NECTIN1: variants seen among roughly 807,000 people sequenced by gnomAD.
NECTIN1 encodes the protein nectin cell adhesion molecule 1.
NECTIN1 carries 23 observed loss-of-function variants against 48.0 expected under a neutral mutation model. The ratio of observed to expected loss-of-function variants is 0.48; its 90% CI spans 0.34 to 0.68. The LOEUF (loss-of-function observed/expected upper bound fraction) is 0.68, where lower values mean the gene tolerates loss of function less well. Among genes scored for constraint, NECTIN1 ranks in the 30% least tolerant of loss-of-function variants. NECTIN1 has a pLI of 0.01. For synonymous variants in NECTIN1, 270 were observed against 288.9 expected (o/e 0.93, Z 0.66); for missense variants, 591 against 709.9 (o/e 0.83, Z 1.90).
At chr11:119,647,671 A>T (rs117635136) in intron 5 of NECTIN1, among the ~76,000 whole-genome samples, 2,331 of 152,174 alleles carry the variant, frequency 0.015, 35 homozygotes, top group East Asian at 0.049. Context: ...GAAGCACCAA[A>T]TCTGCAAAAG....
chr11:119,697,716 C>A (rs966357384), intron 1 of NECTIN1, among the ~76,000 whole-genome samples: 5 of 152,336 alleles, frequency 3.3e-5, no homozygotes, highest in South Asian at 2.1e-4. Context: ...AGAACCCGAA[C>A]CTGAGTCTTC....
chr11:119,702,915 A>G (rs1865482507), intron 1 of NECTIN1, among the ~76,000 whole-genome samples: 1 of 152,086 alleles, frequency 6.6e-6, no homozygotes, highest in Non-Finnish European at 1.5e-5. Flanking sequence ...TGCCTTGAGT[A>G]ACATCTCTTA....
chr11:119,707,165 G>A (rs1475576030), intron 1 of NECTIN1, among the ~76,000 whole-genome samples: 2 of 152,122 alleles, frequency 1.3e-5, no homozygotes, highest in Non-Finnish European at 2.9e-5. Flanking sequence ...TCAGACACAG[G>A]TGTAAGGGCC....
intron 5 of NECTIN1, among the ~76,000 whole-genome samples, chr11:119,652,660 AAAAGAT>A (rs1864510464): frequency 6.6e-6 from 1 of 152,196 alleles, no homozygotes; most frequent in Non-Finnish European, 1.5e-5. Flanking sequence ...CAGAAAGACT[AAAAGAT>A]AAAAGGACGG....
chr11:119,700,860 G>GA (rs1298496410), intron 1 of NECTIN1, among the ~76,000 whole-genome samples: 1 of 152,164 alleles, frequency 6.6e-6, no homozygotes, highest in Non-Finnish European at 1.5e-5. Context: ...TCAACTCTGC[G>GA]AAACAAATCC....
chr11:119,689,313 C>G (rs1865212759), intron 1 of NECTIN1, among the ~76,000 whole-genome samples: 2 of 152,180 alleles, frequency 1.3e-5, no homozygotes, highest in South Asian at 4.1e-4. Flanking sequence ...AGCCTCGCAG[C>G]CTCAGGAGCA....
chr11:119,661,057 AT>A lies in NECTIN1; in HGVS notation c.*3689del, dbSNP rs762234334. ...ATCCTCAGTACATTTTCAACCCATC[AT>A]TTTTTTTTAATACAAGTAAAAGGGG... On this transcript the variant is annotated 3_prime_UTR_variant, in exon 6 of 6. Coordinates refer to ENST00000264025, the MANE Select transcript of NECTIN1 (RefSeq NM_002855.5). 5,131 of 969,850 alleles carry A rather than the reference AT, an allele frequency of 5.3e-3. 16 individuals are homozygous for A. Among genetic ancestry groups the A allele is most frequent in the Admixed American group, 6.9e-3 (111 of 16,182 alleles). The allele number at this position is 969,850 out of a possible 1,614,324, so 60.1% of individuals were successfully genotyped here.
In NECTIN1 at chr11:119,673,483, C is replaced by G. The variant is rs1418886640; in HGVS notation, c.1003+1676G>C. On this transcript the variant is annotated intron_variant, in intron 5 of 5. Transcript: ENST00000264025. This position sits in a 1 kb window ranked among gnomAD's most constrained non-coding sequence, Gnocchi z 5.8. ...GCCCACCATCAGGGGAAGGTATCAC[C>G]ACGCAGGGAGTACTGCATGATCGTA... Among the ~76,000 whole-genome samples the G allele has an allele frequency of 6.6e-6, 1 of 152,182 alleles. No individual in the cohort carries two copies. The highest frequency in any genetic ancestry group is 1.9e-4 in the East Asian group (1 of 5,190).
Position 119,678,648 on chromosome 11 carries a change from G to A in NECTIN1, c.197C>T (p.Thr66Ile), listed in dbSNP as rs1308930440. 1.2e-6 allele frequency: 2 copies of A among 1,614,106 alleles called. No homozygotes were observed. The highest frequency in any genetic ancestry group is 8.5e-7 in the Non-Finnish European group (1 of 1,180,010). Residue 66 changes from threonine (T) to isoleucine (I), a missense_variant, in exon 2 of 6, where the codon ACA (threonine) becomes ATA (isoleucine). By Grantham distance (89) the Thr-to-Ile change is moderately conservative. Coordinates refer to ENST00000264025, the MANE Select transcript of NECTIN1 (RefSeq NM_002855.5). The surrounding 1 kb of genome is among the most constrained non-coding windows in gnomAD (Gnocchi z 4.4). The stretch of plus-strand genomic sequence containing the variant: ...GGAGCCATTGGTGGACTTCTGCCAT[G>A]TGACCTGGGTGATCTTCACGCTGGG... The part of the protein sequence containing the change: ...PLPSVKITQV[T>I]WQKSTNGSKQ...
Position 119,665,176 on chromosome 11 carries a change from C to T in NECTIN1, c.1125G>A (p.Val375=). 6.2e-7 allele frequency: 1 copy of T among 1,610,592 alleles called. No homozygotes were observed. The highest frequency in any genetic ancestry group is 8.5e-7 in the Non-Finnish European group (1 of 1,179,856). ...TGTGCCGGCGCCGACGCAGGGCGAC[C>T]ACGATCCCGCCGACCACAATCAACA... ...LLVLIVVGGI[V]VALRRRRHTF... Residue 375 remains valine, a synonymous_variant, in exon 6 of 6, where the codon GTG becomes GTA. Transcript: ENST00000264025. The surrounding 1 kb of genome is among the most constrained non-coding windows in gnomAD (Gnocchi z 5.1).
At chr11:119,700,680 T>TGGCG (rs1478017614) in intron 1 of NECTIN1, among the ~76,000 whole-genome samples, 14 of 152,214 alleles carry the variant, frequency 9.2e-5, no homozygotes, top group African/African-American at 3.4e-4. Flanking sequence ...GATCGCAGCA[T>TGGCG]GGCGGGATAT....
intron 5 of NECTIN1, among the ~76,000 whole-genome samples, chr11:119,654,576 CTT>C (rs11351493): frequency 6.6e-4 from 96 of 146,002 alleles, no homozygotes; most frequent in Non-Finnish European, 8.0e-4. Context: ...TCAGGAACAC[CTT>C]TTTTTTTTTT....
At chr11:119,686,428 C>A (rs753314268) in intron 1 of NECTIN1, among the ~76,000 whole-genome samples, 2 of 152,216 alleles carry the variant, frequency 1.3e-5, no homozygotes, top group African/African-American at 4.8e-5. Flanking sequence ...CTGCATCACG[C>A]TAAGTCTACA....
chr11:119,728,659 G>A lies in NECTIN1; in HGVS notation c.-106C>T. ...GATCGCTGGCGGTCGGCGGGCGCTC[G>A]AAGGATCCAGGTCAGCTGCAGCCGT... On this transcript the variant is annotated 5_prime_UTR_variant, in exon 1 of 6. Coordinates refer to ENST00000264025, the MANE Select transcript of NECTIN1 (RefSeq NM_002855.5). 6.8e-6 allele frequency: 2 copies of A among 295,478 alleles called. No homozygotes were observed. The highest frequency in any genetic ancestry group is 1.2e-5 in the Non-Finnish European group (2 of 166,482). 18.3% of individuals were successfully genotyped at this position (295,478 alleles called of 1,614,324 possible). A position where few individuals can be genotyped will look rare whatever the true frequency, so the allele number is the denominator to read the frequency against.
intron 1 of NECTIN1, among the ~76,000 whole-genome samples, chr11:119,717,109 G>C (rs1195941741): frequency 6.6e-6 from 1 of 152,212 alleles, no homozygotes; most frequent in South Asian, 2.1e-4. Flanking sequence ...TGGGGAGGAG[G>C]CCAGAAAGAC....
Position 119,677,039 on chromosome 11 carries a change from C to T in NECTIN1, c.851+63G>A, listed in dbSNP as rs1354614378. The T allele has an allele frequency of 1.4e-6, 2 of 1,412,306 alleles. No individual in the cohort carries two copies. Among genetic ancestry groups the T allele is most frequent in the African/African-American group, 1.4e-5 (1 of 70,794 alleles). 87.5% of individuals were successfully genotyped at this position (1,412,306 alleles called of 1,614,324 possible). A position where few individuals can be genotyped will look rare whatever the true frequency, so the allele number is the denominator to read the frequency against. On this transcript the variant is annotated intron_variant, in intron 4 of 5. Coordinates refer to ENST00000264025, the MANE Select transcript of NECTIN1 (RefSeq NM_002855.5). This position sits in a 1 kb window ranked among gnomAD's most constrained non-coding sequence, Gnocchi z 5.4. Reference sequence around the variant, plus strand: ...GGCTCCTGGAGGTAGGATGGTTGCCCCTCATCACCCGTGGTCCAGTCAGCT... The same window carrying T: ...GGCTCCTGGAGGTAGGATGGTTGCCTCTCATCACCCGTGGTCCAGTCAGCT...
chr11:119,647,129 G>A (rs914607269), intron 5 of NECTIN1, among the ~76,000 whole-genome samples: 17 of 150,786 alleles, frequency 1.1e-4, no homozygotes, highest in Admixed American at 8.6e-4. Context: ...GCCTGTGCAG[G>A]CCTCAAGATG....
At chr11:119,658,215 G>A (rs1012322746), downstream of NECTIN1, among the ~76,000 whole-genome samples, 25 of 152,162 alleles carry the variant, frequency 1.6e-4, no homozygotes, top group Admixed American at 4.6e-4. Context: ...CCTGGAGTGT[G>A]TATGTGCTGT....
At chr11:119,708,643 G>A (rs908397645) in intron 1 of NECTIN1, among the ~76,000 whole-genome samples, 4 of 152,130 alleles carry the variant, frequency 2.6e-5, no homozygotes, top group African/African-American at 9.7e-5. Flanking sequence ...GACTGCTAAT[G>A]AATACCGAGG....
Sources: gnomAD v4.1 joint callset for allele counts (sites outside exome capture counted in the v4.1 genomes callset) on GRCh38, gnomAD v4.1.1 for gene constraint, Gnocchi (gnomAD v3.1) non-coding constraint, MANE v1.5 for transcripts, NCBI Gene and HGNC (gene_info 2026-07-23, HGNC 2026-07-21) for gene names.